TMEM154: variants seen among roughly 807,000 people sequenced by gnomAD.
TMEM154 encodes the protein transmembrane protein 154.
A neutral mutation model predicts 24.5 loss-of-function variants in TMEM154; 27 were observed. That is an observed-to-expected ratio of 1.10 (90% CI 0.81 to 1.52). TMEM154 has a LOEUF of 1.52. Ranked by LOEUF, TMEM154 falls within the 40% of genes most tolerant of loss-of-function variation. The pLI is 0.00. For missense variants in TMEM154, 228 were observed against 213.4 expected (o/e 1.07, Z -0.43); for synonymous variants, 67 against 76.8 (o/e 0.87, Z 0.67).
At chr4:152,639,019 G>C (rs1029687500) in intron 6 of TMEM154, among the ~76,000 whole-genome samples, 4 of 151,806 alleles carry the variant, frequency 2.6e-5, no homozygotes, top group Admixed American at 6.6e-5. Context: ...GGTGTGATCA[G>C]TGCTCACTGC....
intron 6 of TMEM154, 34 bp downstream of exon 6, chr4:152,640,894 T>G: frequency 2.7e-4 from 209 of 761,276 alleles, no homozygotes; most frequent in Middle Eastern, 4.9e-4. Context: ...CCCCCCGCCA[T>G]ATACATGTAA....
intron 1 of TMEM154, among the ~76,000 whole-genome samples, chr4:152,672,919 A>G (rs922610247): frequency 1.3e-5 from 2 of 152,248 alleles, no homozygotes; most frequent in African/African-American, 4.8e-5. Flanking sequence ...TTATATAAAC[A>G]TTAAAGGTAA....
At position 152,631,802 on chromosome 4, in the gene TMEM154, T is replaced by C. The variant is rs1371387436; in HGVS notation, c.537-3241A>G. ...AGTTAAATCTATCCCCCTTTTTTTTTTTTTTTTTTTTTTTTTTTTTGAGAC... is the reference window on the plus strand; with the variant it reads ...AGTTAAATCTATCCCCCTTTTTTTTCTTTTTTTTTTTTTTTTTTTTGAGAC... On this transcript the variant is annotated intron_variant, in intron 6 of 6. Coordinates refer to ENST00000304385, the MANE Select transcript of TMEM154 (RefSeq NM_152680.3). Among the ~76,000 whole-genome samples the C allele has an allele frequency of 8.1e-5, 8 of 98,506 alleles. No homozygotes were observed. In the East Asian group the frequency reaches 1.8e-3, roughly 22 times the overall value. 64.6% of individuals were successfully genotyped at this position (98,506 alleles called of 152,430 possible).
At chr4:152,667,294 C>A (rs1180842775) in intron 1 of TMEM154, among the ~76,000 whole-genome samples, 1 of 152,200 alleles carries the variant, frequency 6.6e-6, no homozygotes, top group Non-Finnish European at 1.5e-5. Context: ...TCTCTAGTCA[C>A]AAAGAAAGAC....
intron 6 of TMEM154, among the ~76,000 whole-genome samples, chr4:152,637,854 T>C (rs940066721): frequency 1.3e-5 from 2 of 152,220 alleles, no homozygotes; most frequent in African/African-American, 4.8e-5. Flanking sequence ...AAAGTAAACA[T>C]TTTATGGATT....
intron 4 of TMEM154, among the ~76,000 whole-genome samples, 164 bp downstream of exon 4, chr4:152,644,251 A>G (rs1241677967): frequency 6.6e-6 from 1 of 152,132 alleles, no homozygotes; most frequent in African/African-American, 2.4e-5. Context: ...GGGTTTGGGG[A>G]TGCCAGCACA....
intron 1 of TMEM154, among the ~76,000 whole-genome samples, chr4:152,655,014 T>C (rs1385653499): frequency 3.9e-5 from 6 of 152,066 alleles, no homozygotes; most frequent in South Asian, 4.1e-4. Flanking sequence ...CATGTGTATA[T>C]GCCAAAGGCA....
chr4:152,647,273 T>C (rs1178717685), intron 3 of TMEM154: 6 of 985,214 alleles, frequency 6.1e-6, no homozygotes, highest in Admixed American at 1.2e-4. Flanking sequence ...AGCATTTCTG[T>C]GGGAGCTTTC....
rs1218465847 is a variant in TMEM154, at chr4:152,626,911, T to C, written c.*1635A>G. On this transcript the variant is annotated 3_prime_UTR_variant, in exon 7 of 7. Coordinates refer to ENST00000304385, the MANE Select transcript of TMEM154 (RefSeq NM_152680.3). ...TCTGAGAGTCACTGTGGGCCATGAG[T>C]TGAAAAGGAACATGCAAGAGAGCAA... The C allele has an allele frequency of 1.3e-5, 2 of 152,110 alleles. No homozygotes were observed. The highest frequency in any genetic ancestry group is 2.9e-5 in the Non-Finnish European group (2 of 68,024). The allele number at this position is 152,110 out of a possible 1,614,324, so 9.4% of individuals were successfully genotyped here.
rs80021459 is a variant in TMEM154 at position 152,648,815 on chromosome 4, C to T, written c.364+3723G>A. Among the ~76,000 whole-genome samples, 155 of 152,270 alleles carry T rather than the reference C, an allele frequency of 1.0e-3. 2 individuals carry two copies. In the East Asian group the frequency reaches 0.029, roughly 28 times the overall value. On this transcript the variant is annotated intron_variant, in intron 3 of 6. Coordinates refer to ENST00000304385, the MANE Select transcript of TMEM154 (RefSeq NM_152680.3). ...CATGTGAGTGGATACCTCCAACATCCCCCCACCCCTTGAGTCCATTAGGTA... is the reference window on the plus strand; with the variant it reads ...CATGTGAGTGGATACCTCCAACATCTCCCCACCCCTTGAGTCCATTAGGTA...
At chr4:152,656,758 C>A (rs1038002946) in intron 1 of TMEM154, among the ~76,000 whole-genome samples, 5 of 151,694 alleles carry the variant, frequency 3.3e-5, no homozygotes, top group African/African-American at 7.3e-5. Flanking sequence ...CCCATCTCTA[C>A]GAAAAATACA....
rs985516205 is a variant in TMEM154 at position 152,679,971 on chromosome 4, C to A, written c.-38G>T. On this transcript the variant is annotated 5_prime_UTR_variant, in exon 1 of 7. Transcript: ENST00000304385. Reference sequence around the variant, plus strand: ...CGGCAGAGGCGCGCTCAGGATGCTGCGCCGGGCTGCAGCCTCTCTGAAACG... The same window carrying A: ...CGGCAGAGGCGCGCTCAGGATGCTGAGCCGGGCTGCAGCCTCTCTGAAACG... 9 of 1,573,358 alleles carry A rather than the reference C, an allele frequency of 5.7e-6. No homozygotes were observed. The highest frequency in any genetic ancestry group is 1.8e-5 in the Admixed American group (1 of 55,270).
Position 152,641,660 on chromosome 4 carries a change from C to T in TMEM154, c.479-675G>A, listed in dbSNP as rs1184613491. ...TTCTGTGGTGAATTTTTTTCTTCTA[C>T]CTTTTTTTTTTTTTTTTTTGCATTT... On this transcript the variant is annotated intron_variant, in intron 5 of 6. Coordinates refer to ENST00000304385, the MANE Select transcript of TMEM154 (RefSeq NM_152680.3). 1.5e-4 allele frequency among the ~76,000 whole-genome samples: 21 copies of T among 138,052 alleles called. No homozygotes were observed. In the East Asian group the frequency reaches 3.8e-3, roughly 25 times the overall value. The allele number at this position is 138,052 out of a possible 152,430, so 90.6% of individuals were successfully genotyped here.
At chr4:152,643,010 T>C (rs895214241) in intron 5 of TMEM154, 78 bp downstream of exon 5, 2 of 1,055,780 alleles carry the variant, frequency 1.9e-6, no homozygotes, top group East Asian at 2.4e-5. Flanking sequence ...CCAGGATTTA[T>C]TGAGATATTT....
At chr4:152,631,439 A>T (rs1309089851) in intron 6 of TMEM154, among the ~76,000 whole-genome samples, 1 of 152,152 alleles carries the variant, frequency 6.6e-6, no homozygotes, top group Admixed American at 6.5e-5. Flanking sequence ...TGGAACAATT[A>T]TTATTGTATT....
intron 1 of TMEM154, among the ~76,000 whole-genome samples, chr4:152,671,107 T>G (rs1010375594): frequency 6.6e-6 from 1 of 151,950 alleles, no homozygotes; most frequent in Non-Finnish European, 1.5e-5. Context: ...CCTTGGGAGT[T>G]CTTCAAGCAA....
chr4:152,641,903 CTTTTTTT>C (rs780465309), intron 5 of TMEM154, among the ~76,000 whole-genome samples: 181 of 41,358 alleles, frequency 4.4e-3, no homozygotes, highest in South Asian at 0.029. Context: ...AGCAATAATT[CTTTTTTT>C]TTTTTTTTTT....
At chr4:152,639,037 G>A (rs770255856) in intron 6 of TMEM154, among the ~76,000 whole-genome samples, 2 of 151,860 alleles carry the variant, frequency 1.3e-5, no homozygotes, top group Admixed American at 6.6e-5. Context: ...TGCAATCTCC[G>A]CCTTCCCAGT....
chr4:152,625,978 C>T lies in TMEM154; in HGVS notation c.*2568G>A, dbSNP rs534649783. ...TTATTTTCCCAAGACCAGTTTTACT[C>T]ATCTTTATCACATTTGTTTGATGTG... On this transcript the variant is annotated 3_prime_UTR_variant, in exon 7 of 7. Coordinates refer to ENST00000304385, the MANE Select transcript of TMEM154 (RefSeq NM_152680.3). 6 of 152,292 alleles carry T rather than the reference C, an allele frequency of 3.9e-5. No homozygotes were observed. Among genetic ancestry groups the T allele is most frequent in the East Asian group, 1.9e-4 (1 of 5,182 alleles). The allele number at this position is 152,292 out of a possible 1,614,324, so 9.4% of individuals were successfully genotyped here. A position where few individuals can be genotyped will look rare whatever the true frequency, so the allele number is the denominator to read the frequency against.
Sources: allele counts gnomAD v4.1 joint callset (sites outside exome capture counted in the v4.1 genomes callset), GRCh38; gene constraint gnomAD v4.1.1; transcripts MANE v1.5; gene names NCBI Gene and HGNC (gene_info 2026-07-23, HGNC 2026-07-21).